VDAC2: variants seen among roughly 807,000 people sequenced by gnomAD.
VDAC2 encodes non-selective voltage-gated ion channel VDAC2.
In VDAC2, 6 loss-of-function variants were observed where a neutral mutation model predicts 36.6. That is an observed-to-expected ratio of 0.16 (90% CI 0.09 to 0.32). VDAC2 has a LOEUF of 0.32. VDAC2 is among the 10% of genes least tolerant of loss of function. VDAC2 has a pLI of 1.00. For missense variants in VDAC2, 247 were observed against 346.0 expected (o/e 0.71, Z 2.27); for synonymous variants, 109 against 123.8 (o/e 0.88, Z 0.79).
At chr10:75,211,044 C>A (rs1841397945) in intron 1 of VDAC2, 90 bp from the exon 2 acceptor site, 2 of 1,267,608 alleles carry the variant, frequency 1.6e-6, no homozygotes, top group Admixed American at 3.1e-5. Flanking sequence ...AAGATGGCCG[C>A]GCTGCCCCGC....
At position 75,211,032 on chromosome 10, in the gene VDAC2, C is replaced by T. The variant is rs560637503; in HGVS notation, c.-26+94C>T. 6.2e-3 allele frequency: 7,438 copies of T among 1,190,772 alleles called. 38 individuals are homozygous for T. Among genetic ancestry groups the T allele is most frequent in the Middle Eastern group, 0.013 (66 of 4,944 alleles). 73.8% of individuals were successfully genotyped at this position (1,190,772 alleles called of 1,614,324 possible). A position where few individuals can be genotyped will look rare whatever the true frequency, so the allele number is the denominator to read the frequency against. On this transcript the variant is annotated intron_variant, in intron 1 of 9. Coordinates refer to ENST00000332211, the MANE Select transcript of VDAC2 (RefSeq NM_001391963.1). Reference sequence around the variant, plus strand: ...CGGACTCGGAGTCGGCCCTGGCTTCCTAAGATGGCCGCGCTGCCCCGCGGC... The same window carrying T: ...CGGACTCGGAGTCGGCCCTGGCTTCTTAAGATGGCCGCGCTGCCCCGCGGC...
intron 7 of VDAC2, 148 bp downstream of exon 7, chr10:75,221,118 T>A: frequency 3.9e-6 from 3 of 776,948 alleles, no homozygotes; most frequent in Non-Finnish European, 6.1e-6. Context: ...GGGTGCCCCT[T>A]GAAAGTTTAT....
chr10:75,227,585 T>G (rs1336551960), intron 8 of VDAC2, among the ~76,000 whole-genome samples: 12 of 143,582 alleles, frequency 8.4e-5, no homozygotes, highest in African/African-American at 2.9e-4. Context: ...GAATTTTTTT[T>G]TTTTTTTTTT....
intron 7 of VDAC2, among the ~76,000 whole-genome samples, chr10:75,221,458 A>G (rs1168033907): frequency 6.6e-6 from 1 of 151,808 alleles, no homozygotes; most frequent in Non-Finnish European, 1.5e-5. Flanking sequence ...TCAACCTCCC[A>G]AGTAGCTGGG....
chr10:75,231,216 A>G lies in VDAC2; in HGVS notation c.*227A>G. The G allele has an allele frequency of 2.4e-6, 1 of 423,350 alleles. No individual in the cohort carries two copies. Among genetic ancestry groups the G allele is most frequent in the Non-Finnish European group, 4.4e-6 (1 of 229,244 alleles). 26.2% of individuals were successfully genotyped at this position (423,350 alleles called of 1,614,324 possible). A position where few individuals can be genotyped will look rare whatever the true frequency, so the allele number is the denominator to read the frequency against. On this transcript the variant is annotated 3_prime_UTR_variant, in exon 10 of 10. Coordinates refer to ENST00000332211, the MANE Select transcript of VDAC2 (RefSeq NM_001391963.1). Reference sequence around the variant, plus strand: ...CTGCAGTCACCTATACATTATTTAAATGTATTTAACTGTTAAATGCGCTAC... The same window carrying G: ...CTGCAGTCACCTATACATTATTTAAGTGTATTTAACTGTTAAATGCGCTAC...
chr10:75,215,126 C>T (rs1841558926), intron 4 of VDAC2, among the ~76,000 whole-genome samples: 1 of 151,930 alleles, frequency 6.6e-6, no homozygotes, highest in Admixed American at 6.6e-5. Flanking sequence ...GTTGCCCAGG[C>T]TAGTCTTGAA....
intron 6 of VDAC2, 37 bp from the exon 7 acceptor site, chr10:75,220,706 A>C (rs1841786696): frequency 6.4e-7 from 1 of 1,572,376 alleles, no homozygotes; most frequent in Non-Finnish European, 8.7e-7. Flanking sequence ...AGTGTGTGTA[A>C]ATTTTTCCCA....
At chr10:75,217,648 G>A (rs919922599) in intron 4 of VDAC2, among the ~76,000 whole-genome samples, 47 of 152,152 alleles carry the variant, frequency 3.1e-4, no homozygotes, top group Middle Eastern at 3.2e-3. Flanking sequence ...GAAGTGCTGG[G>A]ATTACAGGTG....
chr10:75,217,124 G>A (rs1018904518), intron 4 of VDAC2, among the ~76,000 whole-genome samples: 1 of 152,078 alleles, frequency 6.6e-6, no homozygotes, highest in South Asian at 2.1e-4. Flanking sequence ...GTGCTTGTTG[G>A]TGGGTACCTG....
At position 75,227,880 on chromosome 10, in the gene VDAC2, G is replaced by A. The variant is rs150663561; in HGVS notation, c.736-1764G>A. Among the ~76,000 whole-genome samples the A allele has an allele frequency of 8.4e-3, 1,261 of 150,278 alleles. 21 individuals carry two copies. Among genetic ancestry groups the A allele is most frequent in the African/African-American group, 0.028 (1,130 of 40,850 alleles). On this transcript the variant is annotated intron_variant, in intron 8 of 9. Transcript: ENST00000332211. Reference sequence around the variant, plus strand: ...AGCCACCCAGCCCGGCCAATAATGGGAATTTCTTTCTTTCTTTCTTTTTTT... The same window carrying A: ...AGCCACCCAGCCCGGCCAATAATGGAAATTTCTTTCTTTCTTTCTTTTTTT...
intron 8 of VDAC2, among the ~76,000 whole-genome samples, chr10:75,228,706 A>G (rs992881539): frequency 6.6e-6 from 1 of 152,248 alleles, no homozygotes; most frequent in African/African-American, 2.4e-5. Context: ...TTATAAGAGT[A>G]TAGACATCGA....
At chr10:75,210,358 C>G (rs1163992719), upstream of VDAC2, 2 of 152,780 alleles carry the variant, frequency 1.3e-5, no homozygotes, top group African/African-American at 4.8e-5. Flanking sequence ...GCTCAGCTGA[C>G]TCCCCGCAGG....
chr10:75,212,112 A>C (rs1841441924), intron 2 of VDAC2, 118 bp from the exon 3 acceptor site: 9 of 906,138 alleles, frequency 9.9e-6, no homozygotes, highest in Non-Finnish European at 1.6e-5. Flanking sequence ...CCGCATAAAA[A>C]ACATTCCAAC....
chr10:75,211,075 C>T (rs1347536950), intron 1 of VDAC2, 59 bp from the exon 2 acceptor site: 13 of 1,488,830 alleles, frequency 8.7e-6, no homozygotes, highest in African/African-American at 1.4e-5. Context: ...CCCTCTCTGC[C>T]CGGGATCTCC....
At chr10:75,211,360 G>C (rs950120697) in intron 2 of VDAC2, 171 bp downstream of exon 2, 31 of 1,392,026 alleles carry the variant, frequency 2.2e-5, no homozygotes, top group Non-Finnish European at 3.0e-5. Context: ...TGGGCTGCTG[G>C]ATTTCAAATG....
chr10:75,211,672 C>T (rs1478352111), intron 2 of VDAC2: 8 of 1,550,328 alleles, frequency 5.2e-6, no homozygotes, highest in Admixed American at 2.0e-5. Context: ...AAGTTTGAAG[C>T]GCTATTTGAT....
At chr10:75,220,687 TTGTGCAGAAGTGTG>T (rs1260027233) in intron 6 of VDAC2, 42 bp from the exon 7 acceptor site, 1 of 1,470,158 alleles carries the variant, frequency 6.8e-7, no homozygotes, top group East Asian at 2.3e-5. Flanking sequence ...TTGTGCTCTC[TTGTGCAGAAGTGTG>T]TGTAAATTTT....
intron 9 of VDAC2, among the ~76,000 whole-genome samples, chr10:75,230,581 A>C (rs976428845): frequency 6.6e-6 from 1 of 152,182 alleles, no homozygotes; most frequent in Non-Finnish European, 1.5e-5. Flanking sequence ...TTTCCTTTCT[A>C]GGATCGAATT....
chr10:75,229,767 C>A, intron 9 of VDAC2, 66 bp downstream of exon 9: 1 of 1,365,070 alleles, frequency 7.3e-7, no homozygotes, highest in Non-Finnish European at 1.0e-6. Context: ...CATTCTTCAG[C>A]TTACTTTTCA....
Sources: allele counts gnomAD v4.1 joint callset (sites outside exome capture counted in the v4.1 genomes callset), GRCh38; gene constraint gnomAD v4.1.1; transcripts MANE v1.5; gene names NCBI Gene and HGNC (gene_info 2026-07-23, HGNC 2026-07-21).